The following HPSE2 variants were observed in gnomAD, a reference collection of about 807,000 sequenced individuals.
HPSE2 encodes inactive heparanase-2.
Under a neutral mutation model 60.5 loss-of-function variants are expected in HPSE2, and 38 were observed. That is an observed-to-expected ratio of 0.63 (90% CI 0.48 to 0.82). The LOEUF is 0.82. HPSE2 is among the 40% of genes least tolerant of loss of function. HPSE2 has a pLI of 0.00. For synonymous variants in HPSE2, 295 were observed against 293.2 expected (o/e 1.01, Z -0.06); for missense variants, 713 against 740.4 (o/e 0.96, Z 0.43).
intron 4 of HPSE2, among the ~76,000 whole-genome samples, chr10:98,740,830 C>A (rs1215187695): frequency 6.6e-6 from 1 of 152,074 alleles, no homozygotes; most frequent in Non-Finnish European, 1.5e-5. Flanking sequence ...GGTTACAAAG[C>A]AGAAATGGCT....
the HPSE2 span, among the ~76,000 whole-genome samples, chr10:99,287,721 A>G: frequency 2.0e-5 from 3 of 152,342 alleles, no homozygotes; most frequent in South Asian, 6.2e-4. Context: ...AAAACAAGGG[A>G]GTCTGAAAAT....
chr10:98,497,377 G>A (rs1347579032), intron 9 of HPSE2, among the ~76,000 whole-genome samples: 2 of 152,106 alleles, frequency 1.3e-5, no homozygotes, highest in African/African-American at 2.4e-5. Context: ...AGGACTTTGT[G>A]TGTATGTGTG....
At chr10:98,727,591 G>A (rs1949119309) in intron 4 of HPSE2, among the ~76,000 whole-genome samples, 1 of 152,074 alleles carries the variant, frequency 6.6e-6, no homozygotes, top group Non-Finnish European at 1.5e-5. Flanking sequence ...AGGAGGCGGA[G>A]GTTGCAGTGA....
chr10:99,243,863 G>A, the HPSE2 span, among the ~76,000 whole-genome samples: 1 of 152,118 alleles, frequency 6.6e-6, no homozygotes, highest in Non-Finnish European at 1.5e-5. Context: ...TTGAACCTGG[G>A]AGGTGGAGGT....
intron 9 of HPSE2, among the ~76,000 whole-genome samples, chr10:98,534,760 G>A (rs573677): frequency 0.05 from 7,634 of 152,246 alleles, 207 homozygotes; most frequent in South Asian, 0.082. Context: ...ATCCAGCTTA[G>A]CACTAACAGG....
intron 3 of HPSE2, among the ~76,000 whole-genome samples, chr10:99,027,735 G>A (rs1254426041): frequency 7.1e-6 from 1 of 140,876 alleles, no homozygotes; most frequent in East Asian, 2.3e-4. Flanking sequence ...TATCTCTGAT[G>A]AATACTGATG....
chr10:99,023,672 T>C (rs1355213985), intron 3 of HPSE2, among the ~76,000 whole-genome samples: 2 of 151,928 alleles, frequency 1.3e-5, no homozygotes, highest in Admixed American at 6.6e-5. Context: ...TGAGAGAAAA[T>C]AAGGGAAAAG....
intron 5 of HPSE2, 28 bp downstream of exon 5, chr10:98,721,629 A>G: frequency 6.2e-7 from 1 of 1,602,238 alleles, no homozygotes; most frequent in Non-Finnish European, 8.5e-7. Context: ...GAACAATGTC[A>G]TAAGAAAAGC....
intron 3 of HPSE2, among the ~76,000 whole-genome samples, chr10:98,946,680 C>T (rs1321834758): frequency 6.6e-6 from 1 of 151,878 alleles, no homozygotes; most frequent in Non-Finnish European, 1.5e-5. Flanking sequence ...AAAGTATGCA[C>T]ACAAACACTT....
At chr10:98,701,337 G>A (rs558165090) in intron 5 of HPSE2, among the ~76,000 whole-genome samples, 9 of 148,498 alleles carry the variant, frequency 6.1e-5, no homozygotes, top group South Asian at 2.3e-4. Flanking sequence ...CATGTCCTTC[G>A]TAGGGACATG....
chr10:99,291,503 G>A, the HPSE2 span, among the ~76,000 whole-genome samples: 2 of 148,914 alleles, frequency 1.3e-5, no homozygotes, highest in South Asian at 4.3e-4. Flanking sequence ...AGAATCACTT[G>A]AATCCAGGAG....
At chr10:98,573,478 T>A (rs933507942) in intron 9 of HPSE2, among the ~76,000 whole-genome samples, 1 of 152,182 alleles carries the variant, frequency 6.6e-6, no homozygotes, top group African/African-American at 2.4e-5. Context: ...CTGGGGAGTG[T>A]TGCTTGTTGC....
At chr10:99,272,241 G>A in the HPSE2 span, among the ~76,000 whole-genome samples, 4 of 145,990 alleles carry the variant, frequency 2.7e-5, no homozygotes, top group Non-Finnish European at 1.5e-5. Context: ...CTGCACTCCA[G>A]CCTGGGCAAC....
At chr10:99,119,393 A>C (rs1178481558) in intron 3 of HPSE2, among the ~76,000 whole-genome samples, 1 of 152,216 alleles carries the variant, frequency 6.6e-6, no homozygotes, top group Non-Finnish European at 1.5e-5. Context: ...GAGAGAGGTA[A>C]AAAATCTCTA....
At chr10:99,183,986 C>A (rs1368699448) in intron 2 of HPSE2, among the ~76,000 whole-genome samples, 1 of 151,712 alleles carries the variant, frequency 6.6e-6, no homozygotes, top group Non-Finnish European at 1.5e-5. Flanking sequence ...TTGAAGAAAG[C>A]CTTAAAAAAC....
chr10:99,140,817 T>C (rs1845840243), intron 3 of HPSE2, among the ~76,000 whole-genome samples: 1 of 152,150 alleles, frequency 6.6e-6, no homozygotes, highest in Admixed American at 6.5e-5. Context: ...GGTGGGCGGA[T>C]CACAAGGTCA....
intron 2 of HPSE2, among the ~76,000 whole-genome samples, chr10:99,156,381 A>G (rs944321067): frequency 1.4e-5 from 2 of 142,998 alleles, no homozygotes; most frequent in Non-Finnish European, 3.1e-5. Flanking sequence ...ATCCAGCAGC[A>G]CATCAAAAAG....
At chr10:98,890,570 TTTAA>T (rs1953305992) in intron 3 of HPSE2, among the ~76,000 whole-genome samples, 1 of 152,188 alleles carries the variant, frequency 6.6e-6, no homozygotes. Context: ...ATGTTTCTCC[TTTAA>T]TTTTTTTCAA....
At chr10:99,073,038 T>G (rs1487205988) in intron 3 of HPSE2, among the ~76,000 whole-genome samples, 1 of 151,134 alleles carries the variant, frequency 6.6e-6, no homozygotes, top group African/African-American at 2.5e-5. Context: ...GAATGTAAAT[T>G]AGTTCAACCA....
Sources: allele counts gnomAD v4.1 joint callset (sites outside exome capture counted in the v4.1 genomes callset), GRCh38; gene constraint gnomAD v4.1.1; transcripts MANE v1.5; gene names NCBI Gene and HGNC (gene_info 2026-07-23, HGNC 2026-07-21).